EFCAB5: variants seen among roughly 807,000 people sequenced by gnomAD.
EFCAB5 encodes EF-hand calcium binding domain 5.
In EFCAB5, 131 loss-of-function variants were observed where a neutral mutation model predicts 167.9. The observed-to-expected ratio is 0.78, with a 90% CI of 0.68 to 0.90. EFCAB5 has a LOEUF of 0.90. EFCAB5 is among the 40% of genes least tolerant of loss of function. The probability of loss-of-function intolerance (pLI) is 0.00; values close to 1 mark genes in which losing one functional copy is unlikely to be tolerated. For synonymous variants in EFCAB5, 574 were observed against 602.8 expected (o/e 0.95, Z 0.70); for missense variants, 1,663 against 1,745.2 (o/e 0.95, Z 0.84).
chr17:29,996,983 C>G (rs1018696622), intron 6 of EFCAB5, among the ~76,000 whole-genome samples: 1 of 152,136 alleles, frequency 6.6e-6, no homozygotes, highest in African/African-American at 2.4e-5. Flanking sequence ...CAGTGGCTCA[C>G]GCCTGTAATC....
chr17:30,008,443 T>C (rs1416814397), intron 7 of EFCAB5, among the ~76,000 whole-genome samples: 1 of 152,002 alleles, frequency 6.6e-6, no homozygotes, highest in Non-Finnish European at 1.5e-5. Flanking sequence ...AATACAAAAA[T>C]TAGCTGGGCA....
At chr17:29,963,341 A>T (rs1414583786) in intron 3 of EFCAB5, among the ~76,000 whole-genome samples, 1 of 152,072 alleles carries the variant, frequency 6.6e-6, no homozygotes, top group Non-Finnish European at 1.5e-5. Flanking sequence ...TATGAATGTA[A>T]TGGATTACAT....
rs556749273 is a variant in EFCAB5, at chr17:30,012,731, G to A, written c.1044+12755G>A. Among the ~76,000 whole-genome samples the A allele has an allele frequency of 3.0e-4, 46 of 152,106 alleles. 2 individuals are homozygous for A. The South Asian group carries it at 5.2e-3, about 17-fold the overall frequency. Reference sequence around the variant, plus strand: ...TGTGTCTTTATTTCTACACTCTCTCGTCTCTGCACATGGGGAGAGACCCGC... The same window carrying A: ...TGTGTCTTTATTTCTACACTCTCTCATCTCTGCACATGGGGAGAGACCCGC... On this transcript the variant is annotated intron_variant, in intron 7 of 22. Transcript: ENST00000394835.
chr17:30,037,532 A>G (rs1368022488), intron 8 of EFCAB5, among the ~76,000 whole-genome samples: 1 of 152,200 alleles, frequency 6.6e-6, no homozygotes. Flanking sequence ...AGATATGAAC[A>G]CACAATTCAT....
intron 7 of EFCAB5, among the ~76,000 whole-genome samples, chr17:30,008,069 CAA>C (rs2068811136): frequency 3.8e-5 from 1 of 26,490 alleles, no homozygotes; most frequent in Non-Finnish European, 7.0e-5. Flanking sequence ...AAGTCAATAG[CAA>C]TCTAATGATT....
intron 22 of EFCAB5, among the ~76,000 whole-genome samples, chr17:30,093,842 C>A (rs2071246437): frequency 6.6e-6 from 1 of 152,222 alleles, no homozygotes; most frequent in Non-Finnish European, 1.5e-5. Flanking sequence ...CAGATACCAA[C>A]CCTCTCTCCT....
At chr17:30,025,568 G>A (rs1298708228) in intron 7 of EFCAB5, among the ~76,000 whole-genome samples, 3 of 152,188 alleles carry the variant, frequency 2.0e-5, no homozygotes, top group African/African-American at 4.8e-5. Context: ...TACACTGTTG[G>A]TGGGACTGTA....
At chr17:29,941,884 A>T in intron 1 of EFCAB5, 46 bp downstream of exon 1, 1 of 1,544,582 alleles carries the variant, frequency 6.5e-7, no homozygotes, top group Non-Finnish European at 8.8e-7. Context: ...AAGATTTGAG[A>T]TTCAACATTC....
intron 7 of EFCAB5, among the ~76,000 whole-genome samples, chr17:30,027,797 C>A (rs946767219): frequency 6.6e-6 from 1 of 152,082 alleles, no homozygotes; most frequent in Admixed American, 6.5e-5. Context: ...TACTGCCCAC[C>A]TGATTATTGT....
chr17:30,059,637 G>C lies in EFCAB5; in HGVS notation c.2673G>C (p.Leu891=), dbSNP rs771240048. The change falls in exon 14 of 23, where the codon CTG becomes CTC. Residue 891 remains leucine (L), a synonymous_variant. Transcript: ENST00000394835. ...GTGATGGCTCAGGCTTCCTGGATCT[G>C]AAGGAAGTTGATGAACTCTTGTACA... ...WDSDGSGFLD[L]KEVDELLYTY... 1.7e-5 allele frequency: 27 copies of C among 1,613,016 alleles called. No homozygotes were observed. Among genetic ancestry groups the C allele is most frequent in the Non-Finnish European group, 2.3e-5 (27 of 1,179,212 alleles).
At position 30,087,159 on chromosome 17, in the gene EFCAB5, A is replaced by G. The variant is rs1397834031; in HGVS notation, c.3676A>G (p.Ile1226Val). ...NPPTIHRKSC[I>V]FRDFLFKCTD... ...TCCTACCATCCACAGGAAGTCATGC[A>G]TCTTCAGGTTAGAGACATGTCTGTT... The change falls in exon 19 of 23, where the codon ATC (isoleucine) becomes GTC (valine). Residue 1226 changes from isoleucine (I) to valine (V), a missense_variant. Transcript: ENST00000394835. 4 of 1,613,538 alleles carry G rather than the reference A, an allele frequency of 2.5e-6. No individual in the cohort carries two copies. Among genetic ancestry groups the G allele is most frequent in the Middle Eastern group, 1.7e-4 (1 of 6,060 alleles).
At chr17:29,944,088 T>C (rs542291383) in intron 3 of EFCAB5, among the ~76,000 whole-genome samples, 1 of 152,340 alleles carries the variant, frequency 6.6e-6, no homozygotes, top group South Asian at 2.1e-4. Context: ...ATTTTATTTT[T>C]ATTTTTAGAG....
At position 29,994,133 on chromosome 17, in the gene EFCAB5, A is replaced by AATATATATAT. The variant is rs55875315; in HGVS notation, c.924+847_924+856dup. ...AAACAAAACAACAACAACAACAACA[A>AATATATATAT]ATATATATATATATATATATATATA... On this transcript the variant is annotated intron_variant, in intron 5 of 22. Coordinates refer to ENST00000394835, the MANE Select transcript of EFCAB5 (RefSeq NM_198529.4). Among the ~76,000 whole-genome samples, 296 of 55,794 alleles carry AATATATATAT rather than the reference A, an allele frequency of 5.3e-3. 4 individuals carry two copies. The highest frequency in any genetic ancestry group is 8.5e-3 in the Middle Eastern group (1 of 118). 36.6% of individuals were successfully genotyped at this position (55,794 alleles called of 152,430 possible).
At chr17:30,090,259 T>G in intron 19 of EFCAB5, 162 bp from the exon 20 acceptor site, 1 of 897,268 alleles carries the variant, frequency 1.1e-6, no homozygotes, top group Non-Finnish European at 1.6e-6. Context: ...CAGACAGCCA[T>G]GTGAAATCAA....
intron 7 of EFCAB5, among the ~76,000 whole-genome samples, chr17:30,005,954 A>T (rs190826952): frequency 1.3e-5 from 2 of 152,306 alleles, no homozygotes; most frequent in African/African-American, 4.8e-5. Flanking sequence ...AACAATTGCA[A>T]ATTAAATAAT....
chr17:29,941,738 A>T lies in EFCAB5; in HGVS notation c.-59A>T. 3 of 1,438,180 alleles carry T rather than the reference A, an allele frequency of 2.1e-6. No individual in the cohort carries two copies. The highest frequency in any genetic ancestry group is 2.1e-5 in the Admixed American group (1 of 47,032). 89.1% of individuals were successfully genotyped at this position (1,438,180 alleles called of 1,614,324 possible). A position where few individuals can be genotyped will look rare whatever the true frequency, so the allele number is the denominator to read the frequency against. On this transcript the variant is annotated 5_prime_UTR_variant, in exon 1 of 23. Coordinates refer to ENST00000394835, the MANE Select transcript of EFCAB5 (RefSeq NM_198529.4). Reference sequence around the variant, plus strand: ...TATTAATATTTTCTTTCTTTTTGTTATTAATACTGGTCTAGTAATATTCTT... The same window carrying T: ...TATTAATATTTTCTTTCTTTTTGTTTTTAATACTGGTCTAGTAATATTCTT...
At chr17:30,073,648 G>A (rs2070801743) in intron 14 of EFCAB5, 1 of 711,460 alleles carries the variant, frequency 1.4e-6, no homozygotes, top group Non-Finnish European at 2.6e-6. Flanking sequence ...TTGCCCGTAG[G>A]GAAAGAAGGA....
In EFCAB5 at chr17:30,080,118, T is replaced by C; in HGVS notation, c.3074T>C (p.Leu1025Pro). The C allele has an allele frequency of 6.2e-7, 1 of 1,613,656 alleles. No individual in the cohort carries two copies. The highest frequency in any genetic ancestry group is 8.5e-7 in the Non-Finnish European group (1 of 1,179,758). The part of the protein sequence containing the change: ...GNKKISAHIS[L>P]LEENLLLPEK... ...AAAAAGATCAGTGCTCACATTTCCC[T>C]CTTAGAAGAAAACCTACTACTGCCT... is the stretch of plus-strand genomic sequence containing the variant. Residue 1025 changes from leucine (L) to proline (P), a missense_variant, in exon 16 of 23, where the codon CTC (leucine) becomes CCC (proline). Coordinates refer to ENST00000394835, the MANE Select transcript of EFCAB5 (RefSeq NM_198529.4).
At chr17:29,932,747 C>T (rs1480816256) in intron 1 of EFCAB5, among the ~76,000 whole-genome samples, 6 of 152,044 alleles carry the variant, frequency 3.9e-5, no homozygotes, top group African/African-American at 9.7e-5. Context: ...TGTGAGCCCC[C>T]GCACCCGGCC....
Sources: allele counts gnomAD v4.1 joint callset (sites outside exome capture counted in the v4.1 genomes callset), GRCh38; gene constraint gnomAD v4.1.1; transcripts MANE v1.5; gene names NCBI Gene and HGNC (gene_info 2026-07-23, HGNC 2026-07-21).